Variants in HEG1 observed in about 807,000 individuals in gnomAD.
HEG1 encodes the protein protein HEG homolog 1.
Under a neutral mutation model 125.6 loss-of-function variants are expected in HEG1, and 56 were observed. The ratio of observed to expected loss-of-function variants is 0.45; its 90% CI spans 0.36 to 0.56. HEG1 has a LOEUF of 0.56. HEG1 is among the 20% of genes least tolerant of loss of function. The pLI is 0.00. For synonymous variants in HEG1, 644 were observed against 668.5 expected, an observed-to-expected ratio of 0.96 and a Z score of 0.57; for missense variants, 1,523 against 1,670.0, an observed-to-expected ratio of 0.91 and a Z score of 1.53.
Position 124,969,788 on chromosome 3 carries a change from T to C in HEG1, c.*864A>G, listed in dbSNP as rs1373509081. The C allele has an allele frequency of 1.2e-5, 1 of 80,206 alleles. No homozygotes were observed. Among genetic ancestry groups the C allele is most frequent in the Non-Finnish European group, 2.3e-5 (1 of 42,816 alleles). The allele number at this position is 80,206 out of a possible 1,614,324, so 5.0% of individuals were successfully genotyped here. On this transcript the variant is annotated 3_prime_UTR_variant, in exon 17 of 17. Coordinates refer to ENST00000311127, the MANE Select transcript of HEG1 (RefSeq NM_020733.2). The stretch of plus-strand genomic sequence containing the variant: ...ACGCAGCTGCCTCTGGCCTCCACAA[T>C]GGTGATCGAGTCCCAGGCCCCAGGC...
intron 16 of HEG1, among the ~76,000 whole-genome samples, chr3:124,971,474 C>CT (rs1338776408): frequency 1.4e-5 from 2 of 147,406 alleles, no homozygotes; most frequent in Non-Finnish European, 3.0e-5. Flanking sequence ...CCCTCTCTTT[C>CT]TTTCTTTTCT....
chr3:124,987,270 T>TATGAGAGGCCTGTCAGGG (rs1394442069), intron 14 of HEG1, among the ~76,000 whole-genome samples: 7 of 152,186 alleles, frequency 4.6e-5, no homozygotes, highest in African/African-American at 1.4e-4. Context: ...TAGCTCATTC[T>TATGAGAGGCCTGTCAGGG]ATGAGAGGCC....
At chr3:125,005,435 A>C (rs1937059074) in intron 8 of HEG1, 67 bp from the exon 9 acceptor site, 4 of 856,002 alleles carry the variant, frequency 4.7e-6, no homozygotes, top group South Asian at 1.6e-5. Flanking sequence ...GTGTGTTTGC[A>C]CATCTCTGGG....
At chr3:125,029,511 C>G in intron 1 of HEG1, 23 bp from the exon 2 acceptor site, 1 of 1,579,946 alleles carries the variant, frequency 6.3e-7, no homozygotes, top group Non-Finnish European at 8.6e-7. Flanking sequence ...GAGGATGCAT[C>G]AGGGAGAGTT....
At chr3:125,026,715 A>G (rs1325356367) in intron 3 of HEG1, among the ~76,000 whole-genome samples, 2 of 152,172 alleles carry the variant, frequency 1.3e-5, no homozygotes, top group African/African-American at 4.8e-5. Context: ...AATAGACACC[A>G]ATGGCTGGGT....
intron 1 of HEG1, among the ~76,000 whole-genome samples, chr3:125,034,133 A>T (rs774241621): frequency 5.5e-4 from 25 of 45,368 alleles, no homozygotes; most frequent in Non-Finnish European, 1.3e-3. Context: ...TGTATTGTGT[A>T]GACACAAATA....
intron 1 of HEG1, among the ~76,000 whole-genome samples, chr3:125,035,890 T>G (rs775205755): frequency 6.6e-6 from 1 of 152,106 alleles, no homozygotes; most frequent in Non-Finnish European, 1.5e-5. Context: ...AGCGTAACTT[T>G]GAGTTCTGTG....
In HEG1 at chr3:125,055,961, G is replaced by GCGGGCA; in HGVS notation, c.-72_-71insTGCCCG. On this transcript the variant is annotated 5_prime_UTR_variant, in exon 1 of 17. Coordinates refer to ENST00000311127, the MANE Select transcript of HEG1 (RefSeq NM_020733.2). ...GGGCAGCGGGCAGCGGGCAGCGGGC[G>GCGGGCA]GCGGGGGCCGCGCGGGGCCGGGGAA... is the stretch of plus-strand genomic sequence containing the variant. 4 of 171,232 alleles carry GCGGGCA rather than the reference G, an allele frequency of 2.3e-5. No homozygotes were observed. Among genetic ancestry groups the GCGGGCA allele is most frequent in the African/African-American group, 7.2e-5 (2 of 27,596 alleles). The allele number at this position is 171,232 out of a possible 1,614,324, so 10.6% of individuals were successfully genotyped here.
chr3:125,010,367 GA>G, intron 7 of HEG1, 71 bp downstream of exon 7: 4 of 870,756 alleles, frequency 4.6e-6, no homozygotes, highest in Non-Finnish European at 5.4e-6. Context: ...CATTTTGGAG[GA>G]AAAAGGAGTT....
chr3:124,983,194 C>T (rs1936682272), intron 14 of HEG1, among the ~76,000 whole-genome samples: 1 of 152,204 alleles, frequency 6.6e-6, no homozygotes, highest in Admixed American at 6.5e-5. Context: ...AGAACCTTAG[C>T]CAACCTTCCT....
chr3:125,011,873 C>T (rs558605001), intron 6 of HEG1, among the ~76,000 whole-genome samples: 3 of 152,326 alleles, frequency 2.0e-5, no homozygotes, highest in Admixed American at 2.0e-4. Flanking sequence ...CATCATCCTA[C>T]TTCCTTCTAC....
At chr3:124,980,062 A>G (rs1936620873) in intron 14 of HEG1, among the ~76,000 whole-genome samples, 1 of 152,220 alleles carries the variant, frequency 6.6e-6, no homozygotes, top group Admixed American at 6.5e-5. Context: ...CTCCCAACAC[A>G]TGTATTTGAA....
Position 125,019,266 on chromosome 3 carries a change from A to G in HEG1, c.1584T>C (p.Arg528=). The G allele has an allele frequency of 6.2e-7, 1 of 1,605,242 alleles. No homozygotes were observed. The highest frequency in any genetic ancestry group is 8.5e-7 in the Non-Finnish European group (1 of 1,172,430). ...GCATGAAATGGAAAAACTCACTCGAACGTTCTCCACGTGGTGCTGATGAAT... is the reference window on the plus strand; with the variant it reads ...GCATGAAATGGAAAAACTCACTCGAGCGTTCTCCACGTGGTGCTGATGAAT... ...SLNSSAPRGE[R]SIAGISYGQV... is the part of the protein sequence containing the mutation. The change falls in exon 5 of 17, where the codon CGT becomes CGC. Residue 528 remains arginine (R), a synonymous_variant. Transcript: ENST00000311127.
At chr3:125,023,021 C>T (rs1937358826) in intron 3 of HEG1, among the ~76,000 whole-genome samples, 1 of 152,068 alleles carries the variant, frequency 6.6e-6, no homozygotes, top group Non-Finnish European at 1.5e-5. Context: ...TGGTGAAACA[C>T]CATCTCTACT....
chr3:125,000,926 C>G (rs535726988), intron 11 of HEG1, among the ~76,000 whole-genome samples: 1 of 152,364 alleles, frequency 6.6e-6, no homozygotes, highest in East Asian at 1.9e-4. Context: ...CACGTGGCAA[C>G]AGGGACAAGC....
intron 8 of HEG1, among the ~76,000 whole-genome samples, chr3:125,007,018 T>C (rs1325680174): frequency 6.6e-6 from 1 of 151,104 alleles, no homozygotes; most frequent in Non-Finnish European, 1.5e-5. Context: ...GCTAAAACGG[T>C]GAAACCCCGT....
intron 8 of HEG1, among the ~76,000 whole-genome samples, chr3:125,006,433 G>A (rs1318315113): frequency 6.6e-6 from 1 of 152,092 alleles, no homozygotes; most frequent in Non-Finnish European, 1.5e-5. Flanking sequence ...TTTCCCTCCG[G>A]ATGGAAAACA....
At chr3:125,017,536 C>A (rs1456009597) in intron 5 of HEG1, among the ~76,000 whole-genome samples, 2 of 152,142 alleles carry the variant, frequency 1.3e-5, no homozygotes, top group East Asian at 3.8e-4. Flanking sequence ...CCTCCACCCC[C>A]ACTCAGATGG....
rs955462007 is a variant in HEG1, at chr3:124,978,037, C to G, written c.3734-91G>C. 3.5e-5 allele frequency: 32 copies of G among 926,900 alleles called. No individual in the cohort carries two copies. In the Admixed American group the frequency reaches 6.8e-4, roughly 20 times the overall value. The allele number at this position is 926,900 out of a possible 1,614,324, so 57.4% of individuals were successfully genotyped here. Reference sequence around the variant, plus strand: ...GAATGGTCTCCCCTGACTCTACAGTCACCACCCTGCCTTGAGGGGTGCCCT... The same window carrying G: ...GAATGGTCTCCCCTGACTCTACAGTGACCACCCTGCCTTGAGGGGTGCCCT... On this transcript the variant is annotated intron_variant, in intron 14 of 16. Transcript: ENST00000311127.
Sources: allele counts gnomAD v4.1 joint callset (sites outside exome capture counted in the v4.1 genomes callset), GRCh38; gene constraint gnomAD v4.1.1; transcripts MANE v1.5; gene names NCBI Gene and HGNC (gene_info 2026-07-23, HGNC 2026-07-21).